The following HECTD4 variants were observed in gnomAD, a reference collection of about 807,000 sequenced individuals.
HECTD4 encodes HECT domain E3 ubiquitin protein ligase 4.
In HECTD4, 114 loss-of-function variants were observed where a neutral mutation model predicts 471.5. That is an observed-to-expected ratio of 0.24 (90% confidence interval 0.21 to 0.28). The LOEUF is 0.28. HECTD4 is among the 10% of genes least tolerant of loss of function. The probability of loss-of-function intolerance (pLI) is 1.00; values close to 1 mark genes in which losing one functional copy is unlikely to be tolerated. For synonymous variants in HECTD4, 2,012 were observed against 2,256.0 expected, an observed-to-expected ratio of 0.89 and a Z score of 3.07; for missense variants, 3,866 against 5,651.5, an observed-to-expected ratio of 0.68 and a Z score of 10.13.
chr12:112,311,060 A>G (rs1040578287), intron 4 of HECTD4, among the ~76,000 whole-genome samples: 15 of 152,102 alleles, frequency 9.9e-5, no homozygotes, highest in Non-Finnish European at 2.1e-4. Flanking sequence ...TCAGGAGTTC[A>G]AGACCAGCCT....
In HECTD4 at chr12:112,269,765, A is replaced by G. The variant is rs770789129; in HGVS notation, c.2260T>C (p.Leu754=). The G allele has an allele frequency of 1.2e-6, 2 of 1,613,926 alleles. No homozygotes were observed. The highest frequency in any genetic ancestry group is 2.2e-5 in the East Asian group (1 of 44,906). The part of the protein sequence containing the change: ...RRSGLLLWQL[L]MAPKDQICPE... ...CAAATTTGATCTTTTGGAGCCATCAACAACTGCCAAAGAAGCAATCCCGAC... is the reference window on the plus strand; with the variant it reads ...CAAATTTGATCTTTTGGAGCCATCAGCAACTGCCAAAGAAGCAATCCCGAC... The change falls in exon 13 of 76, where the codon TTG becomes CTG. Residue 754 remains leucine, a synonymous_variant. Coordinates refer to ENST00000682272, the MANE Select transcript of HECTD4 (RefSeq NM_001388303.1).
chr12:112,347,635 C>T (rs1051340319), intron 1 of HECTD4, among the ~76,000 whole-genome samples: 1 of 152,202 alleles, frequency 6.6e-6, no homozygotes, highest in Non-Finnish European at 1.5e-5. Context: ...TATTAACCAT[C>T]AATATGCAAA....
At chr12:112,236,518 C>T (rs1432007817) in intron 35 of HECTD4, among the ~76,000 whole-genome samples, 2 of 152,148 alleles carry the variant, frequency 1.3e-5, no homozygotes, top group African/African-American at 2.4e-5. Context: ...TTATGGGCCT[C>T]GTGGCTCACA....
intron 1 of HECTD4, among the ~76,000 whole-genome samples, chr12:112,337,010 T>A (rs563501636): frequency 6.6e-6 from 1 of 152,294 alleles, no homozygotes; most frequent in Admixed American, 6.5e-5. Flanking sequence ...ACACAAGAAT[T>A]TTTTCTTCCA....
chr12:112,172,073 T>G (rs998873777), intron 67 of HECTD4, among the ~76,000 whole-genome samples: 1 of 152,238 alleles, frequency 6.6e-6, no homozygotes, highest in East Asian at 1.9e-4. Flanking sequence ...CCGGCTAATT[T>G]TGTACTTTTA....
chr12:112,206,199 G>C (rs936574796), intron 52 of HECTD4, among the ~76,000 whole-genome samples: 1 of 152,146 alleles, frequency 6.6e-6, no homozygotes, highest in African/African-American at 2.4e-5. Context: ...CGTTGTGGGT[G>C]AAAGGGCAGG....
chr12:112,317,956 CAAAA>C (rs59773169), intron 2 of HECTD4, among the ~76,000 whole-genome samples: 3 of 22,238 alleles, frequency 1.3e-4, no homozygotes, highest in Admixed American at 7.2e-4. Flanking sequence ...GACCCCATCT[CAAAA>C]AAAAAAAAAA....
At position 112,243,774 on chromosome 12, in the gene HECTD4, C is replaced by A; in HGVS notation, c.4650-13G>T. On this transcript the variant is annotated splice_polypyrimidine_tract_variant and intron_variant, in intron 30 of 75. Coordinates refer to ENST00000682272, the MANE Select transcript of HECTD4 (RefSeq NM_001388303.1). The surrounding 1 kb of genome is among the most constrained non-coding windows in gnomAD (Gnocchi z 6.6). ...CACGTGGCGACGCCTACGGGGAACACAGAACAGACTGGCAAGACGAGAAAC... is the reference window on the plus strand; with the variant it reads ...CACGTGGCGACGCCTACGGGGAACAAAGAACAGACTGGCAAGACGAGAAAC... 6.2e-7 allele frequency: 1 copy of A among 1,611,880 alleles called. No homozygotes were observed. The highest frequency in any genetic ancestry group is 8.5e-7 in the Non-Finnish European group (1 of 1,178,388).
At chr12:112,255,609 G>A (rs1206369467) in intron 21 of HECTD4, among the ~76,000 whole-genome samples, 1 of 152,038 alleles carries the variant, frequency 6.6e-6, no homozygotes, top group African/African-American at 2.4e-5. Context: ...AGTTCACAGG[G>A]GAGAGAGAAA....
intron 54 of HECTD4, among the ~76,000 whole-genome samples, 176 bp from the exon 55 acceptor site, chr12:112,200,974 G>A (rs965198857): frequency 6.6e-6 from 1 of 151,820 alleles, no homozygotes; most frequent in African/African-American, 2.4e-5. Context: ...ATAGACAAAC[G>A]AAAGAGAATT....
At position 112,265,987 on chromosome 12, in the gene HECTD4, A is replaced by G. The variant is rs1160849262; in HGVS notation, c.2393-4T>C. The G allele has an allele frequency of 6.2e-7, 1 of 1,605,548 alleles. No individual in the cohort carries two copies. The highest frequency in any genetic ancestry group is 2.2e-5 in the East Asian group (1 of 44,774). On this transcript the variant is annotated splice_region_variant and splice_polypyrimidine_tract_variant and intron_variant, in intron 14 of 75. Transcript: ENST00000682272. ...GAGAGTCCACTGTTTCTCTCTCCTA[A>G]CACAGAAGAAAGCTCCATCAACTAC...
Position 112,172,775 on chromosome 12 carries a change from T to C in HECTD4, c.11681A>G (p.Asn3894Ser), listed in dbSNP as rs1288252015. 2 of 1,613,932 alleles carry C rather than the reference T, an allele frequency of 1.2e-6. No homozygotes were observed. Among genetic ancestry groups the C allele is most frequent in the East Asian group, 2.2e-5 (1 of 44,892 alleles). ...EMDVALVQYI[N>S]QLCRHLAITP... Reference sequence around the variant, plus strand: ...GATGGCGAGGTGGCGGCATAGCTGGTTGATGTACTGCACAAGTGCCACGTC... The same window carrying C: ...GATGGCGAGGTGGCGGCATAGCTGGCTGATGTACTGCACAAGTGCCACGTC... The change falls in exon 67 of 76, where the codon AAC (asparagine) becomes AGC (serine). Residue 3894 changes from asparagine (N) to serine (S), a missense_variant. Asn to Ser is a conservative substitution (Grantham distance 46, BLOSUM62 1). Coordinates refer to ENST00000682272, the MANE Select transcript of HECTD4 (RefSeq NM_001388303.1).
At chr12:112,267,602 G>A (rs1415024212) in intron 13 of HECTD4, among the ~76,000 whole-genome samples, 1 of 152,052 alleles carries the variant, frequency 6.6e-6, no homozygotes, top group Admixed American at 6.6e-5. Flanking sequence ...TAAGTACTTG[G>A]GGCTAGATGC....
At position 112,251,152 on chromosome 12, in the gene HECTD4, G is replaced by A; in HGVS notation, c.3553-18C>T. On this transcript the variant is annotated intron_variant, in intron 23 of 75. Transcript: ENST00000682272. ...GAAGACTCCTACAATGCAGACAGGG[G>A]TAAACCACACTGGTCAGTGTACACT... is the stretch of plus-strand genomic sequence containing the variant. The A allele has an allele frequency of 6.2e-7, 1 of 1,611,524 alleles. No individual in the cohort carries two copies. The highest frequency in any genetic ancestry group is 8.5e-7 in the Non-Finnish European group (1 of 1,178,932).
At chr12:112,214,170 A>C (rs2135547306) in intron 48 of HECTD4, among the ~76,000 whole-genome samples, 1 of 152,372 alleles carries the variant, frequency 6.6e-6, no homozygotes, top group South Asian at 2.1e-4. Flanking sequence ...AACAGAATCC[A>C]GGCTGTTATC....
chr12:112,355,393 G>C (rs1057384490), intron 1 of HECTD4, among the ~76,000 whole-genome samples: 1 of 151,182 alleles, frequency 6.6e-6, no homozygotes, highest in African/African-American at 2.4e-5. Context: ...CCCGGAAGGC[G>C]GAGGTTGCAG....
At chr12:112,192,349 C>G (rs1464038593) in intron 59 of HECTD4, among the ~76,000 whole-genome samples, 1 of 152,246 alleles carries the variant, frequency 6.6e-6, no homozygotes, top group South Asian at 2.1e-4. Flanking sequence ...TGGACAGCAT[C>G]TGTCAGGCCT....
chr12:112,231,397 G>T, intron 39 of HECTD4, 116 bp downstream of exon 39: 2 of 918,852 alleles, frequency 2.2e-6, no homozygotes, highest in Non-Finnish European at 3.5e-6. Flanking sequence ...ACAGCAGATG[G>T]CGGCCTCATT....
intron 44 of HECTD4, among the ~76,000 whole-genome samples, chr12:112,219,892 G>A (rs976345609): frequency 1.3e-5 from 2 of 152,042 alleles, no homozygotes; most frequent in African/African-American, 4.8e-5. Context: ...GAGCCACCGC[G>A]CCCAGCCTGA....
Sources: allele counts gnomAD v4.1 joint callset (sites outside exome capture counted in the v4.1 genomes callset), GRCh38; gene constraint gnomAD v4.1.1; non-coding constraint Gnocchi (gnomAD v3.1); transcripts MANE v1.5; gene names NCBI Gene and HGNC (gene_info 2026-07-23, HGNC 2026-07-21).